The following EIPR1 variants were observed in gnomAD, a reference collection of about 807,000 sequenced individuals.
EIPR1 encodes the protein EARP and GARP complex-interacting protein 1.
A neutral mutation model predicts 48.1 loss-of-function variants in EIPR1; 25 were observed. That is an observed-to-expected ratio of 0.52 (90% CI 0.38 to 0.73). The LOEUF (loss-of-function observed/expected upper bound fraction) is 0.73, where lower values mean the gene tolerates loss of function less well. Among genes scored for constraint, EIPR1 ranks in the 30% least tolerant of loss-of-function variants. The probability of loss-of-function intolerance (pLI) is 0.00; values close to 1 mark genes in which losing one functional copy is unlikely to be tolerated. For missense variants in EIPR1, 415 were observed against 506.2 expected (o/e 0.82, Z 1.73); for synonymous variants, 204 against 201.9 (o/e 1.01, Z -0.09).
At chr2:3,293,248 G>A (rs1003729554) in intron 3 of EIPR1, among the ~76,000 whole-genome samples, 10 of 152,164 alleles carry the variant, frequency 6.6e-5, no homozygotes, top group Non-Finnish European at 7.3e-5. Context: ...CACTCTAACC[G>A]GGTTCCCAGG....
chr2:3,299,605 C>T (rs1209947118), intron 3 of EIPR1, among the ~76,000 whole-genome samples: 2 of 136,426 alleles, frequency 1.5e-5, no homozygotes, highest in Non-Finnish European at 3.1e-5. Context: ...AAAATATTTT[C>T]TCTCTCTCTC....
At chr2:3,311,384 T>C (rs923671209) in intron 3 of EIPR1, among the ~76,000 whole-genome samples, 1 of 152,160 alleles carries the variant, frequency 6.6e-6, no homozygotes, top group Non-Finnish European at 1.5e-5. Flanking sequence ...AAAAAAATAT[T>C]TTTAGAAAGT....
At chr2:3,302,855 A>C (rs959698284) in intron 3 of EIPR1, among the ~76,000 whole-genome samples, 1 of 152,322 alleles carries the variant, frequency 6.6e-6, no homozygotes, top group South Asian at 2.1e-4. Context: ...GGCATGCAGC[A>C]GAGAGGGATC....
intron 1 of EIPR1, among the ~76,000 whole-genome samples, chr2:3,375,355 A>G (rs1456701562): frequency 1.3e-5 from 2 of 152,044 alleles, no homozygotes; most frequent in African/African-American, 4.8e-5. Flanking sequence ...CATTGTGCAC[A>G]TGTACCTTAA....
At chr2:3,359,536 T>C (rs1670805855) in intron 1 of EIPR1, among the ~76,000 whole-genome samples, 1 of 152,024 alleles carries the variant, frequency 6.6e-6, no homozygotes, top group Admixed American at 6.5e-5. Flanking sequence ...AGACACTTCT[T>C]TAAAAAAAAA....
chr2:3,368,281 A>G (rs1402902140), intron 1 of EIPR1, among the ~76,000 whole-genome samples: 1 of 152,158 alleles, frequency 6.6e-6, no homozygotes. Flanking sequence ...TGTGGCTTAC[A>G]ACCTGCCCTG....
Position 3,193,991 on chromosome 2 carries a change from G to T in EIPR1, c.821+8C>A. 6.2e-7 allele frequency: 1 copy of T among 1,613,158 alleles called. No individual in the cohort carries two copies. Among genetic ancestry groups the T allele is most frequent in the Non-Finnish European group, 8.5e-7 (1 of 1,179,764 alleles). On this transcript the variant is annotated splice_region_variant and intron_variant, in intron 7 of 8. Coordinates refer to ENST00000382125, the MANE Select transcript of EIPR1 (RefSeq NM_003310.5). The stretch of plus-strand genomic sequence containing the variant: ...CCTCCTCCCTGAAGCAGCCAGGAGC[G>T]GCCCTACCAGTGGGAGTGCTCCTCC...
chr2:3,338,868 G>C (rs1316534886), intron 2 of EIPR1, among the ~76,000 whole-genome samples: 1 of 152,150 alleles, frequency 6.6e-6, no homozygotes. Context: ...CAATACCCAA[G>C]TCAATGAGAA....
At chr2:3,291,879 T>C (rs925422997) in intron 3 of EIPR1, among the ~76,000 whole-genome samples, 1 of 152,246 alleles carries the variant, frequency 6.6e-6, no homozygotes, top group Non-Finnish European at 1.5e-5. Flanking sequence ...CGCATGACCA[T>C]GGCAATGTCA....
chr2:3,318,943 G>A (rs1479481142), intron 3 of EIPR1: 3 of 471,334 alleles, frequency 6.4e-6, no homozygotes, highest in South Asian at 3.1e-5. Flanking sequence ...AATGCCAAAC[G>A]ATTCTATGAT....
chr2:3,266,007 C>T (rs377466682), intron 3 of EIPR1, among the ~76,000 whole-genome samples: 7 of 152,156 alleles, frequency 4.6e-5, no homozygotes, highest in Non-Finnish European at 8.8e-5. Flanking sequence ...AGCTCAAGGC[C>T]CTTAATGAGA....
chr2:3,300,892 C>T (rs1003676836), intron 3 of EIPR1: 3 of 152,128 alleles, frequency 2.0e-5, no homozygotes, highest in Admixed American at 6.5e-5. Flanking sequence ...ACAGCACAGG[C>T]TTCTGTGTGT....
chr2:3,280,710 G>T (rs942701103), intron 3 of EIPR1, among the ~76,000 whole-genome samples: 1 of 152,192 alleles, frequency 6.6e-6, no homozygotes, highest in Non-Finnish European at 1.5e-5. Flanking sequence ...CCACTGGCAT[G>T]GCTTCCACAA....
At chr2:3,360,651 C>A (rs1180816300) in intron 1 of EIPR1, among the ~76,000 whole-genome samples, 1 of 152,198 alleles carries the variant, frequency 6.6e-6, no homozygotes, top group Admixed American at 6.5e-5. Context: ...AAACTGTATT[C>A]ATTTGCTTAC....
intron 1 of EIPR1, among the ~76,000 whole-genome samples, chr2:3,355,262 C>G (rs944984783): frequency 6.6e-6 from 1 of 152,162 alleles, no homozygotes; most frequent in African/African-American, 2.4e-5. Flanking sequence ...GGCACAAAAA[C>G]CCAAGCACAG....
chr2:3,310,545 T>C (rs35441735), intron 3 of EIPR1, among the ~76,000 whole-genome samples: 12,370 of 141,782 alleles, frequency 0.087, 737 homozygotes, highest in African/African-American at 0.16. Flanking sequence ...CCCAGCTACT[T>C]GGGAGGCTGA....
rs2103267051 is a variant in EIPR1 at position 3,286,511 on chromosome 2, G to A, written c.260-29056C>T. Among the ~76,000 whole-genome samples the A allele has an allele frequency of 6.6e-6, 1 of 152,354 alleles. No individual in the cohort carries two copies. The highest frequency in any genetic ancestry group is 2.1e-4 in the South Asian group (1 of 4,830). ...GAGGTGAGGGACACTTGGTGTCCGT[G>A]ACAGGGAAAGGCTGAGGCATCAGGC... On this transcript the variant is annotated intron_variant, in intron 3 of 8. Coordinates refer to ENST00000382125, the MANE Select transcript of EIPR1 (RefSeq NM_003310.5). This position sits in a 1 kb window ranked among gnomAD's most constrained non-coding sequence, Gnocchi z 4.2.
At chr2:3,371,955 AT>A (rs1167983634) in intron 1 of EIPR1, among the ~76,000 whole-genome samples, 1 of 152,184 alleles carries the variant, frequency 6.6e-6, no homozygotes, top group Non-Finnish European at 1.5e-5. Context: ...CGCCACACCT[AT>A]TCCAAAATTG....
chr2:3,257,839 G>A (rs901579519), intron 3 of EIPR1, among the ~76,000 whole-genome samples: 2 of 152,198 alleles, frequency 1.3e-5, no homozygotes, highest in East Asian at 1.9e-4. Context: ...GGCATTAAAC[G>A]GGTTTTCTCT....
Sources: allele counts gnomAD v4.1 joint callset (sites outside exome capture counted in the v4.1 genomes callset), GRCh38; gene constraint gnomAD v4.1.1; non-coding constraint Gnocchi (gnomAD v3.1); transcripts MANE v1.5; gene names NCBI Gene and HGNC (gene_info 2026-07-23, HGNC 2026-07-21).